The following BBS9 variants were observed in gnomAD, a reference collection of about 807,000 sequenced individuals.
The protein encoded by BBS9 is Bardet-Biedl syndrome 9.
BBS9 carries 89 observed loss-of-function variants against 117.7 expected under a neutral mutation model. That is an observed-to-expected ratio of 0.76 (90% CI 0.64 to 0.90). The LOEUF (loss-of-function observed/expected upper bound fraction) is 0.90, where lower values mean the gene tolerates loss of function less well. BBS9 is among the 40% of genes least tolerant of loss of function. The pLI, the probability that BBS9 is intolerant of heterozygous loss-of-function variation, is 0.00. For synonymous variants in BBS9, 379 were observed against 370.9 expected, an observed-to-expected ratio of 1.02 and a Z score of -0.25; for missense variants, 982 against 1,042.2, an observed-to-expected ratio of 0.94 and a Z score of 0.80.
rs1034455932 is a variant in BBS9, at chr7:33,139,477, G to C, written c.-11-6765G>C. Among the ~76,000 whole-genome samples the C allele has an allele frequency of 2.0e-5, 3 of 150,246 alleles. 1 individual carries two copies. The East Asian group carries it at 6.7e-4, about 34-fold the overall frequency. ...AGCTGAAAAAATTTATTGACTCACA[G>C]GTTTTTAAGGCCATTTTCATAGGAT... On this transcript the variant is annotated intron_variant, in intron 1 of 22. Transcript: ENST00000242067.
intron 19 of BBS9, among the ~76,000 whole-genome samples, chr7:33,433,829 A>G (rs536860623): frequency 6.6e-6 from 1 of 152,190 alleles, no homozygotes; most frequent in African/African-American, 2.4e-5. Flanking sequence ...AAAATTTGGA[A>G]TGTGTAAAAC....
chr7:33,215,954 G>A (rs999324411), intron 5 of BBS9, among the ~76,000 whole-genome samples: 6 of 151,652 alleles, frequency 4.0e-5, no homozygotes, highest in Non-Finnish European at 8.8e-5. Context: ...CAAATATCAT[G>A]TTTAGGAAAC....
At chr7:33,287,298 TC>T (rs1285909016) in intron 9 of BBS9, among the ~76,000 whole-genome samples, 1 of 152,196 alleles carries the variant, frequency 6.6e-6, no homozygotes, top group Non-Finnish European at 1.5e-5. Flanking sequence ...ACTTTCTAAG[TC>T]TTTAACACAT....
chr7:33,140,655 G>A (rs1008280887), intron 1 of BBS9, among the ~76,000 whole-genome samples: 1 of 152,062 alleles, frequency 6.6e-6, no homozygotes, highest in African/African-American at 2.4e-5. Context: ...GGGATTTATT[G>A]AATACTGTTA....
chr7:33,502,227 A>G (rs974349395), intron 19 of BBS9, among the ~76,000 whole-genome samples: 6 of 152,122 alleles, frequency 3.9e-5, no homozygotes, highest in South Asian at 2.1e-4. Context: ...ATTCTTTAGG[A>G]CACATTTCAG....
chr7:33,479,656 C>T (rs1842262392), intron 19 of BBS9, among the ~76,000 whole-genome samples: 1 of 152,180 alleles, frequency 6.6e-6, no homozygotes, highest in Non-Finnish European at 1.5e-5. Context: ...GGTAGTTCAA[C>T]TCTCAGTTCT....
At chr7:33,331,799 T>C (rs1434991850) in intron 9 of BBS9, among the ~76,000 whole-genome samples, 1 of 151,834 alleles carries the variant, frequency 6.6e-6, no homozygotes, top group African/African-American at 2.4e-5. Context: ...GAAGAAACCA[T>C]AGATGACACA....
rs532573065 is a variant in BBS9, at chr7:33,452,697, A to G, written c.2116-52766A>G. Among the ~76,000 whole-genome samples, 9 of 152,370 alleles carry G rather than the reference A, an allele frequency of 5.9e-5. No individual in the cohort carries two copies. In the South Asian group the frequency reaches 1.9e-3, roughly 32 times the overall value. On this transcript the variant is annotated intron_variant, in intron 19 of 22. Coordinates refer to ENST00000242067, the MANE Select transcript of BBS9 (RefSeq NM_198428.3). ...TTTAGTGGATTTCCAAAATTACAGT[A>G]GAGTAGATGTCATAAATTTTGAGGG... is the stretch of plus-strand genomic sequence containing the variant.
At chr7:33,260,320 C>T (rs1389474176) in intron 6 of BBS9, among the ~76,000 whole-genome samples, 1 of 152,096 alleles carries the variant, frequency 6.6e-6, no homozygotes, top group Non-Finnish European at 1.5e-5. Flanking sequence ...TTATTATTGA[C>T]ATTCAGTGCT....
intron 19 of BBS9, among the ~76,000 whole-genome samples, chr7:33,389,016 T>C (rs766240003): frequency 3.3e-5 from 5 of 152,224 alleles, no homozygotes; most frequent in Non-Finnish European, 1.5e-5. Context: ...AGAGATCTCA[T>C]GTCTCCTTTA....
intron 5 of BBS9, among the ~76,000 whole-genome samples, chr7:33,212,144 T>C (rs1788143497): frequency 6.6e-6 from 1 of 152,202 alleles, no homozygotes; most frequent in African/African-American, 2.4e-5. Context: ...TCTGTTATTA[T>C]CTCTTTGCAT....
chr7:33,617,942 T>C (rs1037070834), intron 21 of BBS9, among the ~76,000 whole-genome samples: 3 of 152,148 alleles, frequency 2.0e-5, no homozygotes, highest in Non-Finnish European at 4.4e-5. Flanking sequence ...TCTTCAAAAA[T>C]GAAGGGGAGA....
downstream of BBS9, among the ~76,000 whole-genome samples, chr7:33,610,878 C>T (rs951401077): frequency 6.6e-6 from 1 of 152,028 alleles, no homozygotes; most frequent in South Asian, 2.1e-4. Context: ...ATTCTCTGTT[C>T]GCTGTCTTGG....
chr7:33,340,944 G>C lies in BBS9; in HGVS notation c.1246G>C (p.Val416Leu). The change falls in exon 11 of 23, where the codon GTG (valine) becomes CTG (leucine). Residue 416 changes from valine to leucine, a missense_variant. Transcript: ENST00000242067. The part of the protein sequence containing the change: ...EREDDLNVSV[V>L]VSPNFDSVSQ... ...AGAAGATGACTTGAACGTTTCTGTC[G>C]TGGTTTCTCCTAACTTTGATTCAGT... The C allele has an allele frequency of 6.2e-7, 1 of 1,613,550 alleles. No homozygotes were observed. The highest frequency in any genetic ancestry group is 1.1e-5 in the South Asian group (1 of 91,066).
chr7:33,457,905 G>A (rs1224127150), intron 19 of BBS9, among the ~76,000 whole-genome samples: 1 of 152,148 alleles, frequency 6.6e-6, no homozygotes, highest in African/African-American at 2.4e-5. Context: ...GCCATTTATA[G>A]ATCAATAAAA....
intron 21 of BBS9, among the ~76,000 whole-genome samples, chr7:33,633,603 C>G (rs1866001151): frequency 6.6e-6 from 1 of 150,824 alleles, no homozygotes; most frequent in Admixed American, 6.6e-5. Context: ...TACAGTTCTC[C>G]TGTGATCTTT....
intron 4 of BBS9, among the ~76,000 whole-genome samples, chr7:33,167,020 A>G (rs1795810380): frequency 6.6e-6 from 1 of 152,166 alleles, no homozygotes; most frequent in Non-Finnish European, 1.5e-5. Flanking sequence ...CTTCCAATTA[A>G]TACATTTTTA....
intron 7 of BBS9, among the ~76,000 whole-genome samples, chr7:33,269,384 G>A (rs945606062): frequency 6.6e-6 from 1 of 152,104 alleles, no homozygotes; most frequent in African/African-American, 2.4e-5. Context: ...AGGGACCCTG[G>A]CTTGGGTCCA....
chr7:33,194,636 A>G (rs1464574311), intron 5 of BBS9, among the ~76,000 whole-genome samples: 1 of 152,196 alleles, frequency 6.6e-6, no homozygotes, highest in East Asian at 1.9e-4. Context: ...TTTAGTACAG[A>G]TTAATTTCAT....
Sources: gnomAD v4.1 joint callset for allele counts (sites outside exome capture counted in the v4.1 genomes callset) on GRCh38, gnomAD v4.1.1 for gene constraint, MANE v1.5 for transcripts, NCBI Gene and HGNC (gene_info 2026-07-23, HGNC 2026-07-21) for gene names.